Variants in TTF2 observed in about 807,000 individuals in gnomAD.
The protein encoded by TTF2 is transcription termination factor 2, also known as RNA polymerase II termination factor.
Under a neutral mutation model 142.4 loss-of-function variants are expected in TTF2, and 108 were observed. The ratio of observed to expected loss-of-function variants is 0.76; its 90% CI spans 0.65 to 0.89. TTF2 has a LOEUF of 0.89. TTF2 is among the 40% of genes least tolerant of loss of function. TTF2 has a pLI of 0.00. For synonymous variants in TTF2, 483 were observed against 506.2 expected (o/e 0.95, Z 0.61); for missense variants, 1,327 against 1,379.8 (o/e 0.96, Z 0.61).
Position 117,092,051 on chromosome 1 carries a change from A to C in TTF2, c.2805+101A>C. 1 of 1,277,652 alleles carries C rather than the reference A, an allele frequency of 7.8e-7. No individual in the cohort carries two copies. Among genetic ancestry groups the C allele is most frequent in the East Asian group, 2.5e-5 (1 of 39,698 alleles). 79.1% of individuals were successfully genotyped at this position (1,277,652 alleles called of 1,614,324 possible). A position where few individuals can be genotyped will look rare whatever the true frequency, so the allele number is the denominator to read the frequency against. On this transcript the variant is annotated intron_variant, in intron 17 of 22. Transcript: ENST00000369466. The surrounding 1 kb of genome is among the most constrained non-coding windows in gnomAD (Gnocchi z 4.4). ...AACTGGAATCCAGTCTGCTTGATCA[A>C]AGGAAATGCTGTTTCGGTTTTTCTA... is the stretch of plus-strand genomic sequence containing the variant.
intron 3 of TTF2, among the ~76,000 whole-genome samples, chr1:117,069,776 G>A (rs1480291124): frequency 6.6e-6 from 1 of 152,202 alleles, no homozygotes; most frequent in Non-Finnish European, 1.5e-5. Context: ...GAATGCACTT[G>A]GCAGTGTGAT....
chr1:117,092,020 T>G lies in TTF2; in HGVS notation c.2805+70T>G, dbSNP rs1329832774. 2.0e-6 allele frequency: 3 copies of G among 1,469,516 alleles called. No individual in the cohort carries two copies. Among genetic ancestry groups the G allele is most frequent in the Non-Finnish European group, 2.8e-6 (3 of 1,088,366 alleles). 91.0% of individuals were successfully genotyped at this position (1,469,516 alleles called of 1,614,324 possible). A position where few individuals can be genotyped will look rare whatever the true frequency, so the allele number is the denominator to read the frequency against. On this transcript the variant is annotated intron_variant, in intron 17 of 22. Transcript: ENST00000369466. This position sits in a 1 kb window ranked among gnomAD's most constrained non-coding sequence, Gnocchi z 4.4. Reference sequence around the variant, plus strand: ...GCCACCTGAGAAGTCAATTTCACTCTCCTCCAACTGGAATCCAGTCTGCTT... The same window carrying G: ...GCCACCTGAGAAGTCAATTTCACTCGCCTCCAACTGGAATCCAGTCTGCTT...
rs1271249903 is a variant in TTF2 at position 117,105,594 on chromosome 1, GTA to G, written c.*4071_*4072del. ...TAGCCAGGCGTGATGTTGGGTGCCT[GTA>G]ATTGCAGCTACTCGGGAGGCTGAGG... On this transcript the variant is annotated 3_prime_UTR_variant, in exon 23 of 23. Coordinates refer to ENST00000369466, the MANE Select transcript of TTF2 (RefSeq NM_003594.4). This position sits in a 1 kb window ranked among gnomAD's most constrained non-coding sequence, Gnocchi z 4.7. 5.3e-5 allele frequency: 8 copies of G among 152,186 alleles called. No individual in the cohort carries two copies. The highest frequency in any genetic ancestry group is 3.3e-4 in the Admixed American group (5 of 15,270). The allele number at this position is 152,186 out of a possible 1,614,324, so 9.4% of individuals were successfully genotyped here. A position where few individuals can be genotyped will look rare whatever the true frequency, so the allele number is the denominator to read the frequency against.
intron 11 of TTF2, 100 bp downstream of exon 11, chr1:117,084,268 C>A: frequency 1.4e-6 from 2 of 1,450,228 alleles, no homozygotes; most frequent in Non-Finnish European, 1.9e-6. Context: ...AATCAGGACG[C>A]GTATTTGTGA....
rs1230143707 is a variant in TTF2 at position 117,097,453 on chromosome 1, C to T, written c.3269+20C>T. ...GCACTGGTAATGATTCCGGATTTGT[C>T]CTGGGTTGTCACAGCACATCAAGGA... On this transcript the variant is annotated intron_variant, in intron 21 of 22. Transcript: ENST00000369466. This position sits in a 1 kb window ranked among gnomAD's most constrained non-coding sequence, Gnocchi z 4.1. The T allele has an allele frequency of 6.2e-7, 1 of 1,613,168 alleles. No homozygotes were observed.
chr1:117,101,371 G>T lies in TTF2; in HGVS notation c.3345-9G>T, dbSNP rs1450628660. 3.2e-6 allele frequency: 5 copies of T among 1,569,964 alleles called. No homozygotes were observed. The Admixed American group carries it at 6.3e-5, about 20-fold the overall frequency. On this transcript the variant is annotated splice_polypyrimidine_tract_variant and intron_variant, in intron 22 of 22. Transcript: ENST00000369466. This position sits in a 1 kb window ranked among gnomAD's most constrained non-coding sequence, Gnocchi z 5.9. Reference sequence around the variant, plus strand: ...GATAGTTTGCTTATTTTTTGTTTTTGTTTTTTAGATTTGTTTGTGAGGGAA... The same window carrying T: ...GATAGTTTGCTTATTTTTTGTTTTTTTTTTTTAGATTTGTTTGTGAGGGAA...
chr1:117,076,897 C>T lies in TTF2; in HGVS notation c.1573+74C>T. 7 of 1,374,568 alleles carry T rather than the reference C, an allele frequency of 5.1e-6. No homozygotes were observed. The highest frequency in any genetic ancestry group is 1.5e-5 in the South Asian group (1 of 68,316). The allele number at this position is 1,374,568 out of a possible 1,614,324, so 85.1% of individuals were successfully genotyped here. On this transcript the variant is annotated intron_variant, in intron 7 of 22. Transcript: ENST00000369466. This position sits in a 1 kb window ranked among gnomAD's most constrained non-coding sequence, Gnocchi z 4.6. ...TACGTGCCACCCGGTACAGTAGTCA[C>T]CTCTTATCCACACTTTCAGTTAACC...
Position 117,079,742 on chromosome 1 carries a change from C to A in TTF2, c.1783+93C>A. 8.3e-7 allele frequency: 1 copy of A among 1,209,768 alleles called. No individual in the cohort carries two copies. The highest frequency in any genetic ancestry group is 1.2e-5 in the South Asian group (1 of 80,140). The allele number at this position is 1,209,768 out of a possible 1,614,324, so 74.9% of individuals were successfully genotyped here. On this transcript the variant is annotated intron_variant, in intron 9 of 22. Transcript: ENST00000369466. This position sits in a 1 kb window ranked among gnomAD's most constrained non-coding sequence, Gnocchi z 4.2. The stretch of plus-strand genomic sequence containing the variant: ...GTTTCATTTATTCCTCTCAAGAACT[C>A]TATGAGGCAGGTACTATTATTCCTC...
In TTF2 at chr1:117,104,798, GGTTT is replaced by G. The variant is rs940551860; in HGVS notation, c.*3280_*3283del. On this transcript the variant is annotated 3_prime_UTR_variant, in exon 23 of 23. Coordinates refer to ENST00000369466, the MANE Select transcript of TTF2 (RefSeq NM_003594.4). Reference sequence around the variant, plus strand: ...TCTTCCCTCCCTGGGGGTTAGGCTGGGTTTGTTTGGTTTTTTTTGTTTTGTCCTC... The same window carrying G: ...TCTTCCCTCCCTGGGGGTTAGGCTGGGTTTGGTTTTTTTTGTTTTGTCCTC... 3 of 152,174 alleles carry G rather than the reference GGTTT, an allele frequency of 2.0e-5. No individual in the cohort carries two copies. The highest frequency in any genetic ancestry group is 4.8e-5 in the African/African-American group (2 of 41,422). 9.4% of individuals were successfully genotyped at this position (152,174 alleles called of 1,614,324 possible).
At chr1:117,091,975 T>A in intron 17 of TTF2, 25 bp downstream of exon 17, 1 of 1,600,538 alleles carries the variant, frequency 6.2e-7, no homozygotes, top group Non-Finnish European at 8.5e-7. Flanking sequence ...CAGCCTGCTG[T>A]CATATAGTGC....
In TTF2 at chr1:117,097,391, ACC is replaced by A. The variant is rs1649243648; in HGVS notation, c.3228_3229del (p.Leu1077AspfsTer18). 1 of 1,614,022 alleles carries A rather than the reference ACC, an allele frequency of 6.2e-7. No homozygotes were observed. Among genetic ancestry groups the A allele is most frequent in the African/African-American group, 1.3e-5 (1 of 74,896 alleles). Reference sequence around the variant, plus strand: ...CTCTTGGCCGGAGGTGTTGGTCTAAACCTGACTGGAGGAAATCACCTCTTTCT... The same window carrying A: ...CTCTTGGCCGGAGGTGTTGGTCTAAATGACTGGAGGAAATCACCTCTTTCT... On this transcript the variant is annotated frameshift_variant, in exon 21 of 23. Transcript: ENST00000369466. LOFTEE classifies it high-confidence loss of function. This position sits in a 1 kb window ranked among gnomAD's most constrained non-coding sequence, Gnocchi z 4.1.
chr1:117,081,833 G>T lies in TTF2; in HGVS notation c.1789G>T (p.Asp597Tyr), dbSNP rs747286626. Residue 597 changes from aspartate to tyrosine, a missense_variant, in exon 10 of 23, where the codon GAT becomes TAT. Asp to Tyr is a radical substitution (Grantham distance 160, BLOSUM62 -3). Transcript: ENST00000369466. The part of the protein sequence containing the change: ...QKPQGGILAD[D>Y]MGLGKTLTMI... ...ATTTTGCTTTTATTTTCTAGCAGAT[G>T]ATATGGGCTTAGGAAAAACCCTGAC... 6.2e-7 allele frequency: 1 copy of T among 1,613,308 alleles called. No homozygotes were observed. Among genetic ancestry groups the T allele is most frequent in the Admixed American group, 1.7e-5 (1 of 59,834 alleles).
Position 117,099,908 on chromosome 1 carries a change from A to T in TTF2, c.3344+1001A>T, listed in dbSNP as rs1649446772. Among the ~76,000 whole-genome samples the T allele has an allele frequency of 6.6e-6, 1 of 152,216 alleles. No individual in the cohort carries two copies. On this transcript the variant is annotated intron_variant, in intron 22 of 22. Transcript: ENST00000369466. The surrounding 1 kb of genome is among the most constrained non-coding windows in gnomAD (Gnocchi z 4.3). Reference sequence around the variant, plus strand: ...TCTTCCTATGCTCTCTTCTCTGCTCATTCTGTACATTCCTTCCTTCACAAA... The same window carrying T: ...TCTTCCTATGCTCTCTTCTCTGCTCTTTCTGTACATTCCTTCCTTCACAAA...
Position 117,075,687 on chromosome 1 carries a change from G to T in TTF2, c.1103G>T (p.Ser368Ile), listed in dbSNP as rs748543112. ...GTTTTTGTTTCCTCTAAGCCTGGGA[G>T]CCCCCTACTCTTTGACTCGACTCTG... is the stretch of plus-strand genomic sequence containing the variant. ...DVVFVSSKPG[S>I]PLLFDSTLDL... The change falls in exon 5 of 23, where the codon AGC (serine) becomes ATC (isoleucine). Residue 368 changes from serine (S) to isoleucine (I), a missense_variant. Ser to Ile is a moderately radical substitution (Grantham distance 142, BLOSUM62 -2). Transcript: ENST00000369466. This position sits in a 1 kb window ranked among gnomAD's most constrained non-coding sequence, Gnocchi z 4.5. 1 of 1,614,144 alleles carries T rather than the reference G, an allele frequency of 6.2e-7. No homozygotes were observed. The highest frequency in any genetic ancestry group is 1.7e-5 in the Admixed American group (1 of 60,020).
rs1212661873 is a variant in TTF2, at chr1:117,088,990, A to G, written c.2342+8A>G. 1 of 1,594,992 alleles carries G rather than the reference A, an allele frequency of 6.3e-7. No individual in the cohort carries two copies. The highest frequency in any genetic ancestry group is 1.8e-5 in the Admixed American group (1 of 56,476). ...TATGTATTCGCTGCTGAAGTGAGTA[A>G]CTTCTCGTGATTGTGTAAATATGAA... On this transcript the variant is annotated splice_region_variant and intron_variant, in intron 13 of 22. Transcript: ENST00000369466.
chr1:117,084,023 T>C lies in TTF2; in HGVS notation c.1909T>C (p.Cys637Arg). ...ALTWLSKDDSCDFTSHGTLII... is the reference protein window; with the variant it reads ...ALTWLSKDDSRDFTSHGTLII... The stretch of plus-strand genomic sequence containing the variant: ...GATTTTTTTCCCTTCTCAAGACTCT[T>C]GTGACTTTACTTCCCATGGAACACT... The change falls in exon 11 of 23, where the codon TGT (cysteine) becomes CGT (arginine). Residue 637 changes from cysteine (C) to arginine (R), a missense_variant. Transcript: ENST00000369466. The C allele has an allele frequency of 1.9e-6, 3 of 1,614,136 alleles. No homozygotes were observed. Among genetic ancestry groups the C allele is most frequent in the Middle Eastern group, 1.6e-4 (1 of 6,062 alleles).
intron 10 of TTF2, among the ~76,000 whole-genome samples, chr1:117,083,699 A>G (rs1357249581): frequency 2.6e-5 from 4 of 152,230 alleles, no homozygotes; most frequent in African/African-American, 9.6e-5. Context: ...CAAGTGTTTC[A>G]GTTTAAAAGA....
At chr1:117,067,104 G>A (rs959962509) in intron 3 of TTF2, among the ~76,000 whole-genome samples, 2 of 152,138 alleles carry the variant, frequency 1.3e-5, no homozygotes, top group African/African-American at 2.4e-5. Flanking sequence ...TGCTGTTAAC[G>A]TTCTTTGTAC....
chr1:117,076,894 TC>T lies in TTF2; in HGVS notation c.1573+72del. On this transcript the variant is annotated intron_variant, in intron 7 of 22. Transcript: ENST00000369466. The surrounding 1 kb of genome is among the most constrained non-coding windows in gnomAD (Gnocchi z 4.6). ...AGTTACGTGCCACCCGGTACAGTAG[TC>T]ACCTCTTATCCACACTTTCAGTTAA... 1 of 1,393,432 alleles carries T rather than the reference TC, an allele frequency of 7.2e-7. No individual in the cohort carries two copies. The highest frequency in any genetic ancestry group is 2.2e-5 in the Admixed American group (1 of 44,532). 86.3% of individuals were successfully genotyped at this position (1,393,432 alleles called of 1,614,324 possible).
Sources: allele counts gnomAD v4.1 joint callset (sites outside exome capture counted in the v4.1 genomes callset), GRCh38; gene constraint gnomAD v4.1.1; non-coding constraint Gnocchi (gnomAD v3.1); transcripts MANE v1.5; gene names NCBI Gene and HGNC (gene_info 2026-07-23, HGNC 2026-07-21).